TMEM132C: variants seen among roughly 807,000 people sequenced by gnomAD.
TMEM132C encodes the protein protein phosphatase 1, regulatory subunit 152.
In TMEM132C, 29 loss-of-function variants were observed where a neutral mutation model predicts 61.4. That is an observed-to-expected ratio of 0.47 (90% CI 0.35 to 0.64). TMEM132C has a LOEUF of 0.64. Among genes scored for constraint, TMEM132C ranks in the 30% least tolerant of loss-of-function variants. The pLI, the probability that TMEM132C is intolerant of heterozygous loss-of-function variation, is 0.00. For synonymous variants in TMEM132C, 656 were observed against 633.1 expected (o/e 1.04, Z -0.54); for missense variants, 1,408 against 1,476.9 (o/e 0.95, Z 0.76).
intron 1 of TMEM132C, chr12:128,288,028 C>G (rs890724559): frequency 6.6e-6 from 1 of 150,686 alleles, no homozygotes; most frequent in Admixed American, 6.6e-5. Flanking sequence ...CTGTTGTCCA[C>G]AGTTATCCCT....
At chr12:128,533,085 G>T (rs867409143) in intron 2 of TMEM132C, among the ~76,000 whole-genome samples, 1 of 152,204 alleles carries the variant, frequency 6.6e-6, no homozygotes. Flanking sequence ...TGTGTGCCAT[G>T]CCTTTGTATG....
At chr12:128,378,447 C>T (rs1265331235) in intron 1 of TMEM132C, among the ~76,000 whole-genome samples, 4 of 152,158 alleles carry the variant, frequency 2.6e-5, no homozygotes, top group Non-Finnish European at 5.9e-5. Context: ...AATTAAGTAC[C>T]TCTATTCATT....
intron 3 of TMEM132C, among the ~76,000 whole-genome samples, chr12:128,599,130 G>A (rs967810381): frequency 6.6e-6 from 1 of 152,124 alleles, no homozygotes; most frequent in Admixed American, 6.5e-5. Flanking sequence ...CTCCCACAGG[G>A]AAACTCTCAG....
At chr12:128,643,326 C>T (rs1009031552) in intron 4 of TMEM132C, among the ~76,000 whole-genome samples, 3 of 152,144 alleles carry the variant, frequency 2.0e-5, no homozygotes, top group Admixed American at 6.6e-5. Context: ...AACCCAGGGC[C>T]GCAAGGGAGG....
At chr12:128,327,848 C>A (rs1872573001) in intron 1 of TMEM132C, among the ~76,000 whole-genome samples, 1 of 152,062 alleles carries the variant, frequency 6.6e-6, no homozygotes, top group African/African-American at 2.4e-5. Flanking sequence ...GAGTTTTTGT[C>A]AACAGAAGGG....
intron 1 of TMEM132C, among the ~76,000 whole-genome samples, chr12:128,307,690 T>G (rs746332021): frequency 2.6e-5 from 4 of 152,210 alleles, no homozygotes; most frequent in Admixed American, 1.3e-4. Flanking sequence ...CATTTTGACT[T>G]TTTACTTTCT....
chr12:128,282,909 T>A (rs889467810), intron 1 of TMEM132C, among the ~76,000 whole-genome samples: 20 of 152,208 alleles, frequency 1.3e-4, no homozygotes, highest in Non-Finnish European at 2.8e-4. Flanking sequence ...CTTTGTACTT[T>A]ATCGGGTTGC....
chr12:128,403,204 G>GA (rs1875229151), intron 1 of TMEM132C, among the ~76,000 whole-genome samples: 1 of 152,184 alleles, frequency 6.6e-6, no homozygotes, highest in East Asian at 1.9e-4. Flanking sequence ...TGTGTCTGGG[G>GA]AATGTTAATA....
At chr12:128,574,502 G>A (rs1019766427) in intron 3 of TMEM132C, among the ~76,000 whole-genome samples, 20 of 152,198 alleles carry the variant, frequency 1.3e-4, no homozygotes, top group East Asian at 7.7e-4. Flanking sequence ...CCGTCGTGGC[G>A]GCACTGCTGC....
chr12:128,686,435 GC>G (rs1954677803), intron 5 of TMEM132C, among the ~76,000 whole-genome samples: 1 of 152,182 alleles, frequency 6.6e-6, no homozygotes, highest in Admixed American at 6.5e-5. Context: ...TAAAACAAAT[GC>G]TTTTTTAATT....
At chr12:128,301,998 T>A (rs893500777) in intron 1 of TMEM132C, among the ~76,000 whole-genome samples, 4 of 152,104 alleles carry the variant, frequency 2.6e-5, no homozygotes, top group African/African-American at 4.8e-5. Context: ...GAGAACTGTA[T>A]GGGGGAAGCT....
intron 1 of TMEM132C, among the ~76,000 whole-genome samples, chr12:128,290,544 T>C (rs1193400): frequency 0.93 from 141,727 of 152,098 alleles, 66,528 homozygotes; most frequent in East Asian, 1. Flanking sequence ...ACTGAAGATG[T>C]GTGACGCACT....
chr12:128,341,946 T>C (rs889840529), intron 1 of TMEM132C, among the ~76,000 whole-genome samples: 2 of 151,734 alleles, frequency 1.3e-5, no homozygotes, highest in Admixed American at 1.3e-4. Flanking sequence ...TGCTGTCTTC[T>C]CTCTCTTTCC....
intron 2 of TMEM132C, among the ~76,000 whole-genome samples, chr12:128,518,614 G>T (rs1319483824): frequency 1.3e-5 from 2 of 152,182 alleles, no homozygotes; most frequent in Non-Finnish European, 2.9e-5. Flanking sequence ...GATACCTTTT[G>T]TAAATTTTTA....
intron 1 of TMEM132C, among the ~76,000 whole-genome samples, chr12:128,397,444 C>T (rs1237072845): frequency 6.6e-6 from 1 of 152,164 alleles, no homozygotes; most frequent in Non-Finnish European, 1.5e-5. Flanking sequence ...CACCCAGCTG[C>T]AGCAGTGTAG....
intron 3 of TMEM132C, among the ~76,000 whole-genome samples, chr12:128,551,104 G>T (rs373087775): frequency 6.6e-6 from 1 of 152,018 alleles, no homozygotes; most frequent in Non-Finnish European, 1.5e-5. Flanking sequence ...CTCCTGGTGC[G>T]TGGGGAGAAA....
chr12:128,369,339 CATTTT>C (rs1407621501), intron 1 of TMEM132C, among the ~76,000 whole-genome samples: 15 of 152,184 alleles, frequency 9.9e-5, no homozygotes, highest in African/African-American at 7.2e-5. Context: ...ATTAAAAACT[CATTTT>C]ATTAGTAAAC....
intron 1 of TMEM132C, among the ~76,000 whole-genome samples, chr12:128,369,802 C>T (rs1443729830): frequency 1.3e-5 from 2 of 152,222 alleles, no homozygotes; most frequent in Non-Finnish European, 2.9e-5. Context: ...TCGAGGCGTG[C>T]TGCCATGGAA....
intron 3 of TMEM132C, among the ~76,000 whole-genome samples, chr12:128,569,515 C>T (rs1404675438): frequency 6.6e-6 from 1 of 151,764 alleles, no homozygotes; most frequent in South Asian, 2.1e-4. Flanking sequence ...GATTTTTTAA[C>T]CAAGGAGTGA....
Sources: gnomAD v4.1 joint callset for allele counts (sites outside exome capture counted in the v4.1 genomes callset) on GRCh38, gnomAD v4.1.1 for gene constraint, MANE v1.5 for transcripts, NCBI Gene and HGNC (gene_info 2026-07-23, HGNC 2026-07-21) for gene names.